The following AXDND1 variants were observed in gnomAD, a reference collection of about 807,000 sequenced individuals.
AXDND1 encodes axonemal dynein light chain domain containing 1.
AXDND1 carries 110 observed loss-of-function variants against 137.5 expected under a neutral mutation model. The ratio of observed to expected loss-of-function variants is 0.80; its 90% CI spans 0.69 to 0.94. The LOEUF (loss-of-function observed/expected upper bound fraction) is 0.94. Ranked by LOEUF, AXDND1 falls within the 40% of genes least tolerant of loss-of-function variation. The pLI is 0.00. For synonymous variants in AXDND1, 414 were observed against 399.7 expected (o/e 1.04, Z -0.43); for missense variants, 1,191 against 1,169.8 (o/e 1.02, Z -0.26).
At position 179,381,343 on chromosome 1, in the gene AXDND1, A is replaced by ATT. The variant is rs34030931; in HGVS notation, c.582-1340_582-1339dup. The stretch of plus-strand genomic sequence containing the variant: ...AGGCATGAGCCACAGCACATGGCTG[A>ATT]TTTTTTTTTTTTTTTTTTGAGACAA... On this transcript the variant is annotated intron_variant, in intron 6 of 25. Coordinates refer to ENST00000367618, the MANE Select transcript of AXDND1 (RefSeq NM_144696.6). Among the ~76,000 whole-genome samples, 395 of 106,204 alleles carry ATT rather than the reference A, an allele frequency of 3.7e-3. 4 individuals carry two copies. The highest frequency in any genetic ancestry group is 0.019 in the South Asian group (61 of 3,214). The allele number at this position is 106,204 out of a possible 152,430, so 69.7% of individuals were successfully genotyped here.
intron 16 of AXDND1, among the ~76,000 whole-genome samples, chr1:179,465,037 T>C (rs1662928739): frequency 6.6e-6 from 1 of 152,164 alleles, no homozygotes; most frequent in Admixed American, 6.6e-5. Context: ...TCAAGGTTTT[T>C]AGCTTCTTTG....
chr1:179,370,842 G>T (rs1176139259), intron 4 of AXDND1, among the ~76,000 whole-genome samples: 1 of 152,142 alleles, frequency 6.6e-6, no homozygotes, highest in African/African-American at 2.4e-5. Flanking sequence ...GGCCAGTTTT[G>T]TGTGCCTCCC....
chr1:179,377,447 A>G (rs1036375720), intron 4 of AXDND1, among the ~76,000 whole-genome samples: 3 of 152,190 alleles, frequency 2.0e-5, no homozygotes, highest in African/African-American at 7.2e-5. Context: ...GTACCATTGT[A>G]GTGATGAATT....
chr1:179,417,345 G>T (rs771910151), intron 12 of AXDND1, among the ~76,000 whole-genome samples: 2 of 152,046 alleles, frequency 1.3e-5, no homozygotes, highest in Non-Finnish European at 2.9e-5. Flanking sequence ...AAGGTTTGTA[G>T]CTTGATGTAA....
At chr1:179,397,920 T>C (rs973558104) in intron 11 of AXDND1, among the ~76,000 whole-genome samples, 1 of 152,194 alleles carries the variant, frequency 6.6e-6, no homozygotes, top group Admixed American at 6.5e-5. Flanking sequence ...CATCCTTGAA[T>C]TGGGTTTCAG....
intron 12 of AXDND1, among the ~76,000 whole-genome samples, chr1:179,420,966 A>G (rs970820828): frequency 2.2e-4 from 34 of 151,900 alleles, no homozygotes; most frequent in Non-Finnish European, 1.8e-4. Context: ...TAAGTCTCTA[A>G]TGCTTCTTTG....
intron 12 of AXDND1, among the ~76,000 whole-genome samples, chr1:179,424,765 A>T (rs1231247896): frequency 1.3e-5 from 2 of 151,902 alleles, no homozygotes; most frequent in African/African-American, 4.8e-5. Context: ...TTCTCCTCTG[A>T]TTGTGTACAA....
intron 18 of AXDND1, among the ~76,000 whole-genome samples, chr1:179,484,869 C>T (rs1274023482): frequency 6.6e-6 from 1 of 152,200 alleles, no homozygotes; most frequent in Non-Finnish European, 1.5e-5. Flanking sequence ...CTGTCCTGCA[C>T]TGCCATTGCC....
At chr1:179,387,685 T>G (rs1649449023) in intron 9 of AXDND1, among the ~76,000 whole-genome samples, 1 of 152,224 alleles carries the variant, frequency 6.6e-6, no homozygotes, top group African/African-American at 2.4e-5. Context: ...GGTCTTTAGG[T>G]GGGACAAGAG....
intron 16 of AXDND1, among the ~76,000 whole-genome samples, chr1:179,445,528 A>G (rs74855968): frequency 1.3e-5 from 2 of 152,134 alleles, no homozygotes; most frequent in Non-Finnish European, 2.9e-5. Context: ...TACCCCCAAC[A>G]TCGTCACTTC....
At chr1:179,488,702 C>G (rs566236923) in intron 18 of AXDND1, among the ~76,000 whole-genome samples, 2 of 104,076 alleles carry the variant, frequency 1.9e-5, no homozygotes, top group African/African-American at 8.7e-5. Context: ...TTTCTTTCCT[C>G]TCTCTGTCTC....
At chr1:179,492,023 A>G (rs4652402) in intron 19 of AXDND1, among the ~76,000 whole-genome samples, 83,535 of 151,992 alleles carry the variant, frequency 0.55, 23,253 homozygotes, top group East Asian at 0.76. Context: ...TTACACTTTT[A>G]CACATACTGG....
At position 179,432,342 on chromosome 1, in the gene AXDND1, G is replaced by A; in HGVS notation, c.1563G>A (p.Lys521=). 2 of 1,565,560 alleles carry A rather than the reference G, an allele frequency of 1.3e-6. No individual in the cohort carries two copies. Among genetic ancestry groups the A allele is most frequent in the Non-Finnish European group, 1.7e-6 (2 of 1,153,612 alleles). Residue 521 remains lysine, a splice_region_variant and synonymous_variant, in exon 15 of 26, where the codon AAG becomes AAA. Transcript: ENST00000367618. ...TTTTAGACTTCAAACAGTGGCAGAA[G>A]GTAAGACTTTTTAATAAAGAGCTTG... The part of the protein sequence containing the change: ...SVLLDFKQWQ[K]ILNEKKEEFT...
chr1:179,535,216 G>C (rs1276241387), intron 25 of AXDND1, among the ~76,000 whole-genome samples: 1 of 151,806 alleles, frequency 6.6e-6, no homozygotes. Flanking sequence ...AACTGGCAAA[G>C]GTTTTTTTTT....
chr1:179,523,909 T>C (rs1188012665), intron 21 of AXDND1, among the ~76,000 whole-genome samples: 1 of 152,216 alleles, frequency 6.6e-6, no homozygotes, highest in Admixed American at 6.5e-5. Flanking sequence ...ATCATTCTTA[T>C]GGCTTTGCAT....
At chr1:179,423,702 A>C (rs61822777) in intron 12 of AXDND1, among the ~76,000 whole-genome samples, 2 of 119,362 alleles carry the variant, frequency 1.7e-5, no homozygotes, top group Non-Finnish European at 3.6e-5. Context: ...AAAAGAAAAG[A>C]AGCAAATAAA....
chr1:179,457,573 A>T (rs1025545732), intron 16 of AXDND1, among the ~76,000 whole-genome samples: 1 of 152,216 alleles, frequency 6.6e-6, no homozygotes, highest in Admixed American at 6.5e-5. Flanking sequence ...CTCACAAGAC[A>T]TTATTATTCG....
At chr1:179,448,431 T>C in intron 16 of AXDND1, 1 of 557,476 alleles carries the variant, frequency 1.8e-6, no homozygotes, top group South Asian at 2.0e-5. Flanking sequence ...TGTATTTTCT[T>C]CTGCACCATT....
intron 20 of AXDND1, among the ~76,000 whole-genome samples, chr1:179,496,307 G>A (rs1167810010): frequency 1.3e-5 from 2 of 151,952 alleles, no homozygotes; most frequent in Non-Finnish European, 2.9e-5. Context: ...TAAATGTTTG[G>A]TAGAATTCAC....
Sources: gnomAD v4.1 joint callset for allele counts (sites outside exome capture counted in the v4.1 genomes callset) on GRCh38, gnomAD v4.1.1 for gene constraint, MANE v1.5 for transcripts, NCBI Gene and HGNC (gene_info 2026-07-23, HGNC 2026-07-21) for gene names.